BRINP3: variants seen among roughly 807,000 people sequenced by gnomAD.
BRINP3 encodes the protein BMP/retinoic acid inducible neural specific 3.
BRINP3 carries 19 observed loss-of-function variants against 71.0 expected under a neutral mutation model. The ratio of observed to expected loss-of-function variants is 0.27; its 90% confidence interval spans 0.19 to 0.39. The LOEUF is 0.39. BRINP3 is among the 10% of genes least tolerant of loss of function. The probability of loss-of-function intolerance (pLI) is 1.00; values close to 1 mark genes in which losing one functional copy is unlikely to be tolerated. For missense variants in BRINP3, 959 were observed against 940.8 expected (o/e 1.02, Z -0.25); for synonymous variants, 380 against 337.7 (o/e 1.13, Z -1.37).
chr1:190,352,444 G>A (rs1487025552), intron 2 of BRINP3, among the ~76,000 whole-genome samples: 1 of 151,948 alleles, frequency 6.6e-6, no homozygotes, highest in African/African-American at 2.4e-5. Context: ...ATCACACAAA[G>A]TAAGGTTTTC....
intron 2 of BRINP3, among the ~76,000 whole-genome samples, chr1:190,376,042 G>A (rs1310381612): frequency 6.6e-6 from 1 of 151,948 alleles, no homozygotes; most frequent in East Asian, 1.9e-4. Context: ...TCCTTCTAAT[G>A]ACTGTGGACA....
intron 2 of BRINP3, among the ~76,000 whole-genome samples, chr1:190,379,415 T>G (rs1053077193): frequency 6.6e-6 from 1 of 152,002 alleles, no homozygotes; most frequent in African/African-American, 2.4e-5. Context: ...AATTACAGCT[T>G]GAGATTATTG....
At chr1:190,172,471 T>C (rs1652103317) in intron 6 of BRINP3, among the ~76,000 whole-genome samples, 1 of 152,154 alleles carries the variant, frequency 6.6e-6, no homozygotes. Context: ...AAATGGACTT[T>C]ATTGAATAAA....
intron 6 of BRINP3, among the ~76,000 whole-genome samples, chr1:190,193,954 G>C (rs192305928): frequency 9.3e-4 from 142 of 151,992 alleles, no homozygotes; most frequent in Admixed American, 2.6e-3. Context: ...ATTATCCTCC[G>C]GTATTTTCCA....
At chr1:190,340,058 A>G (rs1244866691) in intron 2 of BRINP3, among the ~76,000 whole-genome samples, 1 of 151,926 alleles carries the variant, frequency 6.6e-6, no homozygotes, top group Non-Finnish European at 1.5e-5. Context: ...AAAAATAGCT[A>G]TTTCTATAGC....
At chr1:190,133,411 C>A (rs1212952288) in intron 7 of BRINP3, among the ~76,000 whole-genome samples, 1 of 151,832 alleles carries the variant, frequency 6.6e-6, no homozygotes, top group Non-Finnish European at 1.5e-5. Context: ...GCATGTATTA[C>A]AGAAGAATCC....
intron 5 of BRINP3, among the ~76,000 whole-genome samples, chr1:190,230,711 G>A (rs1194814806): frequency 1.3e-5 from 2 of 151,588 alleles, no homozygotes; most frequent in Non-Finnish European, 3.0e-5. Flanking sequence ...TTTTAGTAAT[G>A]ACCTTCTTTT....
chr1:190,438,618 C>G (rs1209398605), intron 2 of BRINP3, among the ~76,000 whole-genome samples: 1 of 151,786 alleles, frequency 6.6e-6, no homozygotes, highest in Admixed American at 6.6e-5. Context: ...ATAATTTTCA[C>G]AAAGGTTCCC....
At chr1:190,350,709 A>G (rs1237991345) in intron 2 of BRINP3, among the ~76,000 whole-genome samples, 1 of 152,070 alleles carries the variant, frequency 6.6e-6, no homozygotes, top group Non-Finnish European at 1.5e-5. Flanking sequence ...TTGGGTCTGT[A>G]TAACCCAAAT....
chr1:190,229,645 AACACACACAC>A lies in BRINP3; in HGVS notation c.725-3337_725-3328del, dbSNP rs71794093. Among the ~76,000 whole-genome samples, 362 of 133,514 alleles carry A rather than the reference AACACACACAC, an allele frequency of 2.7e-3. 2 individuals carry two copies. Among genetic ancestry groups the A allele is most frequent in the African/African-American group, 8.6e-3 (310 of 36,116 alleles). The allele number at this position is 133,514 out of a possible 152,430, so 87.6% of individuals were successfully genotyped here. On this transcript the variant is annotated intron_variant, in intron 5 of 7. Transcript: ENST00000367462. ...CCCAGAGTAAAGAAAAACAAAACAA[AACACACACAC>A]ACACACACACACACACACACACACA...
chr1:190,470,035 C>T lies in BRINP3; in HGVS notation c.-51+7413G>A, dbSNP rs549012992. 2.1e-4 allele frequency among the ~76,000 whole-genome samples: 31 copies of T among 151,056 alleles called. 2 individuals carry two copies. The South Asian group carries it at 6.4e-3, about 31-fold the overall frequency. On this transcript the variant is annotated intron_variant, in intron 1 of 7. Coordinates refer to ENST00000367462, the MANE Select transcript of BRINP3 (RefSeq NM_199051.3). The stretch of plus-strand genomic sequence containing the variant: ...AGAATTTAATGAATCTGTAAAATAA[C>T]ATTGTAGTTATATACTGGCCACTAT...
chr1:190,235,928 TC>T (rs1658472453), intron 4 of BRINP3, among the ~76,000 whole-genome samples: 1 of 151,942 alleles, frequency 6.6e-6, no homozygotes, highest in Non-Finnish European at 1.5e-5. Flanking sequence ...AGCTCCACAT[TC>T]TAAAAATGCG....
At chr1:190,191,689 C>T (rs1000851316) in intron 6 of BRINP3, among the ~76,000 whole-genome samples, 4 of 151,940 alleles carry the variant, frequency 2.6e-5, no homozygotes, top group African/African-American at 9.7e-5. Flanking sequence ...CATGTCCTTG[C>T]TATTGTAAAT....
intron 7 of BRINP3, among the ~76,000 whole-genome samples, chr1:190,121,566 C>T (rs986725821): frequency 6.6e-6 from 1 of 151,996 alleles, no homozygotes; most frequent in African/African-American, 2.4e-5. Context: ...AATATTATTA[C>T]CTTGGTTCTC....
chr1:190,454,587 A>T, intron 2 of BRINP3, 68 bp downstream of exon 2: 1 of 1,319,332 alleles, frequency 7.6e-7, no homozygotes, highest in Non-Finnish European at 1.1e-6. Flanking sequence ...ACTTTCCCTT[A>T]GAGAAACTTA....
intron 2 of BRINP3, among the ~76,000 whole-genome samples, chr1:190,350,643 C>G (rs1472497528): frequency 6.6e-5 from 10 of 151,960 alleles, no homozygotes; most frequent in Non-Finnish European, 1.5e-5. Flanking sequence ...ATGGCTATGC[C>G]TAATCTAAAT....
At chr1:190,313,590 C>G (rs1233986325) in intron 2 of BRINP3, among the ~76,000 whole-genome samples, 1 of 151,894 alleles carries the variant, frequency 6.6e-6, no homozygotes, top group East Asian at 1.9e-4. Context: ...AATTTTTATT[C>G]TTACAACATC....
At chr1:190,355,346 T>A (rs1476156368) in intron 2 of BRINP3, among the ~76,000 whole-genome samples, 1 of 151,828 alleles carries the variant, frequency 6.6e-6, no homozygotes, top group Non-Finnish European at 1.5e-5. Context: ...ACTTGACATG[T>A]CATGGAACAC....
chr1:190,247,809 C>T (rs1020423798), intron 4 of BRINP3, among the ~76,000 whole-genome samples: 7 of 151,822 alleles, frequency 4.6e-5, no homozygotes, highest in African/African-American at 9.7e-5. Flanking sequence ...TCCATGTTGG[C>T]GCGACATGAT....
Sources: gnomAD v4.1 joint callset for allele counts (sites outside exome capture counted in the v4.1 genomes callset) on GRCh38, gnomAD v4.1.1 for gene constraint, MANE v1.5 for transcripts, NCBI Gene and HGNC (gene_info 2026-07-23, HGNC 2026-07-21) for gene names.